Variants in ANKRD23 observed in about 807,000 individuals in gnomAD.
ANKRD23 encodes ankyrin repeat domain-containing protein 23.
In ANKRD23, 52 loss-of-function variants were observed where a neutral mutation model predicts 38.1. The ratio of observed to expected loss-of-function variants is 1.36; its 90% CI spans 1.09 to 1.72. ANKRD23 has a LOEUF of 1.72. ANKRD23 is among the 40% of genes most tolerant of loss of function. The pLI is 0.00. For synonymous variants in ANKRD23, 167 were observed against 162.9 expected, an observed-to-expected ratio of 1.03 and a Z score of -0.19; for missense variants, 416 against 400.2, an observed-to-expected ratio of 1.04 and a Z score of -0.34.
chr2:96,841,980 G>A lies in ANKRD23; in HGVS notation c.300+80C>T. The A allele has an allele frequency of 9.4e-6, 15 of 1,595,180 alleles. No homozygotes were observed. In the South Asian group the frequency reaches 1.7e-4, roughly 18 times the overall value. On this transcript the variant is annotated intron_variant, in intron 3 of 8. Coordinates refer to ENST00000318357, the MANE Select transcript of ANKRD23 (RefSeq NM_144994.8). Reference sequence around the variant, plus strand: ...ACTGGCTGTGTGGTCCTGGCCTGCAGTGCCCACTCTGCCCCAAGCCCTTCC... The same window carrying A: ...ACTGGCTGTGTGGTCCTGGCCTGCAATGCCCACTCTGCCCCAAGCCCTTCC...
In ANKRD23 at chr2:96,837,965, T is replaced by C. The variant is rs1347542862; in HGVS notation, c.*1584A>G. ...GAGGATACTGATTGGTATAAAAAGG[T>C]GTGTTTGTCACTGAGGTGTCCTCAT... is the stretch of plus-strand genomic sequence containing the variant. On this transcript the variant is annotated 3_prime_UTR_variant, in exon 9 of 9. Transcript: ENST00000318357. 6.6e-6 allele frequency: 1 copy of C among 152,186 alleles called. No homozygotes were observed. The highest frequency in any genetic ancestry group is 2.4e-5 in the African/African-American group (1 of 41,444). 9.4% of individuals were successfully genotyped at this position (152,186 alleles called of 1,614,324 possible). A position where few individuals can be genotyped will look rare whatever the true frequency, so the allele number is the denominator to read the frequency against.
intron 3 of ANKRD23, 66 bp downstream of exon 3, chr2:96,841,994 C>G: frequency 6.2e-7 from 1 of 1,609,012 alleles, no homozygotes. Context: ...CCACTCTGCC[C>G]CAAGCCCTTC....
chr2:96,843,807 C>T (rs2079786252), intron 1 of ANKRD23, among the ~76,000 whole-genome samples, 159 bp downstream of exon 1: 1 of 152,114 alleles, frequency 6.6e-6, no homozygotes, highest in South Asian at 2.1e-4. Context: ...AGCAAGACTC[C>T]GTTTCAAAAA....
At chr2:96,842,913 C>G (rs2079777455) in intron 1 of ANKRD23, among the ~76,000 whole-genome samples, 1 of 152,216 alleles carries the variant, frequency 6.6e-6, no homozygotes. Flanking sequence ...CACCTGACTC[C>G]AAGCTCAGAG....
intron 1 of ANKRD23, among the ~76,000 whole-genome samples, chr2:96,843,018 A>G (rs184982777): frequency 1.2e-4 from 18 of 152,312 alleles, no homozygotes; most frequent in Non-Finnish European, 2.5e-4. Flanking sequence ...ACTTAAGGCA[A>G]TTGCCTAAAG....
In ANKRD23 at chr2:96,839,569, G is replaced by A. The variant is rs1220848136; in HGVS notation, c.898C>T (p.His300Tyr). Residue 300 changes from histidine (H) to tyrosine (Y), a missense_variant, in exon 9 of 9, where the codon CAT (histidine) becomes TAT (tyrosine). Transcript: ENST00000318357. Reference sequence around the variant, plus strand: ...TGCGGTCAGCACCGGGTGCGGGGATGCGCCACGTGGGCCTGCAGGGCCTCC... The same window carrying A: ...TGCGGTCAGCACCGGGTGCGGGGATACGCCACGTGGGCCTGCAGGGCCTCC... ...IREALQAHVA[H>Y]PRTRC 9 of 1,465,984 alleles carry A rather than the reference G, an allele frequency of 6.1e-6. No individual in the cohort carries two copies. The highest frequency in any genetic ancestry group is 7.2e-6 in the Non-Finnish European group (8 of 1,112,864). 90.8% of individuals were successfully genotyped at this position (1,465,984 alleles called of 1,614,324 possible).
chr2:96,841,733 C>A (rs2079764144), intron 3 of ANKRD23, among the ~76,000 whole-genome samples: 1 of 152,028 alleles, frequency 6.6e-6, no homozygotes, highest in South Asian at 2.1e-4. Context: ...CCAAAGATCA[C>A]CAGCATCCAC....
chr2:96,840,535 T>C (rs1419225061), intron 4 of ANKRD23, 21 bp from the exon 5 acceptor site: 2 of 1,612,338 alleles, frequency 1.2e-6, no homozygotes, highest in Non-Finnish European at 1.7e-6. Context: ...AGATGGAAGA[T>C]TAGGCAGAGG....
intron 1 of ANKRD23, 141 bp downstream of exon 1, chr2:96,843,824 AT>A (rs2153359091): frequency 1.2e-6 from 1 of 835,860 alleles, no homozygotes; most frequent in African/African-American, 1.8e-5. Flanking sequence ...AAAAATACAG[AT>A]TTTTATAAAA....
chr2:96,839,713 G>A lies in ANKRD23; in HGVS notation c.822+14C>T. The A allele has an allele frequency of 6.2e-7, 1 of 1,611,946 alleles. No individual in the cohort carries two copies. The highest frequency in any genetic ancestry group is 8.5e-7 in the Non-Finnish European group (1 of 1,179,438). ...CGCCCTCGGGTCAGGAGCCAGGGCT[G>A]CGCCCACACTCACCGCGTTCCGCAC... On this transcript the variant is annotated intron_variant, in intron 8 of 8. Coordinates refer to ENST00000318357, the MANE Select transcript of ANKRD23 (RefSeq NM_144994.8).
In ANKRD23 at chr2:96,838,361, C is replaced by G. The variant is rs528198099; in HGVS notation, c.*1188G>C. On this transcript the variant is annotated 3_prime_UTR_variant, in exon 9 of 9. Coordinates refer to ENST00000318357, the MANE Select transcript of ANKRD23 (RefSeq NM_144994.8). ...ACTTTCTGGCGTTTAGGGGCCCAGC[C>G]CCACCAGCAGTACAGGCCTACACCA... 2.7e-5 allele frequency: 27 copies of G among 988,032 alleles called. No individual in the cohort carries two copies. Among genetic ancestry groups the G allele is most frequent in the Non-Finnish European group, 3.3e-5 (27 of 830,176 alleles). The allele number at this position is 988,032 out of a possible 1,614,324, so 61.2% of individuals were successfully genotyped here.
chr2:96,838,792 G>C lies in ANKRD23; in HGVS notation c.*757C>G. The C allele has an allele frequency of 1.0e-6, 1 of 985,554 alleles. No homozygotes were observed. Among genetic ancestry groups the C allele is most frequent in the Non-Finnish European group, 1.2e-6 (1 of 830,008 alleles). The allele number at this position is 985,554 out of a possible 1,614,324, so 61.1% of individuals were successfully genotyped here. On this transcript the variant is annotated 3_prime_UTR_variant, in exon 9 of 9. Coordinates refer to ENST00000318357, the MANE Select transcript of ANKRD23 (RefSeq NM_144994.8). ...GGGGCCAGTACACAGTGGGTGCGAG[G>C]CTTCTCTCAAATGCGCGCTCCAGCT...
rs751648755 is a variant in ANKRD23, at chr2:96,840,079, AG to A, written c.640del (p.Leu214CysfsTer23). The A allele has an allele frequency of 1.4e-4, 214 of 1,558,882 alleles. No homozygotes were observed. In the East Asian group the frequency reaches 4.6e-3, roughly 33 times the overall value. On this transcript the variant is annotated frameshift_variant, in exon 7 of 9. Coordinates refer to ENST00000318357, the MANE Select transcript of ANKRD23 (RefSeq NM_144994.8). LOFTEE classifies it high-confidence loss of function. ...GTGCCGGGTGCGCACTGCCACGTGC[AG>A]GGGGGTGCTCCCGATCTGAGAGCAA... Reference protein sequence around the residue: ...NARDKIGSTPLHVAVRTRHPD... With the variant: ...NARDKIGSTPXHVAVRTRHPD...
intron 6 of ANKRD23, 65 bp from the exon 7 acceptor site, chr2:96,840,160 C>T: frequency 1.9e-6 from 3 of 1,559,024 alleles, no homozygotes; most frequent in South Asian, 1.2e-5. Context: ...CATGGGACTA[C>T]GTGCTCTCTT....
At chr2:96,840,718 TTGAACACAC>T in intron 4 of ANKRD23, 60 bp downstream of exon 4, 2 of 1,603,108 alleles carry the variant, frequency 1.2e-6, no homozygotes, top group South Asian at 2.2e-5. Context: ...AGGCCAGGAC[TTGAACACAC>T]TGAAGGCAGC....
At position 96,840,668 on chromosome 2, in the gene ANKRD23, G is replaced by A; in HGVS notation, c.426+119C>T. 3 of 1,531,960 alleles carry A rather than the reference G, an allele frequency of 2.0e-6. No individual in the cohort carries two copies. In the South Asian group the frequency reaches 3.6e-5, roughly 18 times the overall value. 94.9% of individuals were successfully genotyped at this position (1,531,960 alleles called of 1,614,324 possible). A position where few individuals can be genotyped will look rare whatever the true frequency, so the allele number is the denominator to read the frequency against. Reference sequence around the variant, plus strand: ...CTCTCCTCCGTCTGCAGGTGCCACTGGATTCATGCCCATAAGAGTGAAAAT... The same window carrying A: ...CTCTCCTCCGTCTGCAGGTGCCACTAGATTCATGCCCATAAGAGTGAAAAT... On this transcript the variant is annotated intron_variant, in intron 4 of 8. Coordinates refer to ENST00000318357, the MANE Select transcript of ANKRD23 (RefSeq NM_144994.8).
chr2:96,840,202 G>C, intron 6 of ANKRD23, 30 bp downstream of exon 6: 2 of 1,596,944 alleles, frequency 1.3e-6, no homozygotes, highest in Non-Finnish European at 1.7e-6. Flanking sequence ...CCGTGTTCCC[G>C]ACAGGCCCCC....
Position 96,842,065 on chromosome 2 carries a change from C to A in ANKRD23, c.295G>T (p.Val99Phe). ...AACCCCGACCTCCCACTCACCTTAACCAGGGGCTCAGGTTTCCTGGGGGGG... is the reference window on the plus strand; with the variant it reads ...AACCCCGACCTCCCACTCACCTTAAACAGGGGCTCAGGTTTCCTGGGGGGG... ...RVPPRKPEPL[V>F]KPQSQAQVEP... Residue 99 changes from valine (V) to phenylalanine (F), a missense_variant, in exon 3 of 9, where the codon GTT becomes TTT. Coordinates refer to ENST00000318357, the MANE Select transcript of ANKRD23 (RefSeq NM_144994.8). 6.2e-7 allele frequency: 1 copy of A among 1,614,048 alleles called. No individual in the cohort carries two copies. The highest frequency in any genetic ancestry group is 8.5e-7 in the Non-Finnish European group (1 of 1,180,030).
Position 96,840,463 on chromosome 2 carries a change from C to G in ANKRD23, c.478G>C (p.Val160Leu). Residue 160 changes from valine to leucine, a missense_variant, in exon 5 of 9, where the codon GTG becomes CTG. Val to Leu is a conservative substitution (Grantham distance 32). Transcript: ENST00000318357. ...GCACCTGCCACCAGCAGCTTGTTCA[C>G]CAGCTGGCTGTGACCCTTCAGACAG... ...WACLKGHSQL[V>L]NKLLVAGATV... is the part of the protein sequence containing the mutation. 1 of 1,614,124 alleles carries G rather than the reference C, an allele frequency of 6.2e-7. No homozygotes were observed. Among genetic ancestry groups the G allele is most frequent in the Non-Finnish European group, 8.5e-7 (1 of 1,180,038 alleles).
Sources: allele counts gnomAD v4.1 joint callset (sites outside exome capture counted in the v4.1 genomes callset), GRCh38; gene constraint gnomAD v4.1.1; transcripts MANE v1.5; gene names NCBI Gene and HGNC (gene_info 2026-07-23, HGNC 2026-07-21).